Variants in TEAD1 observed in about 807,000 individuals in gnomAD.
TEAD1 encodes the protein transcriptional enhancer factor TEF-1.
TEAD1 carries 9 observed loss-of-function variants against 54.9 expected under a neutral mutation model. The observed-to-expected ratio is 0.16, with a 90% CI of 0.10 to 0.29. The LOEUF (loss-of-function observed/expected upper bound fraction) is 0.29, where lower values mean the gene tolerates loss of function less well. Ranked by LOEUF, TEAD1 falls within the 10% of genes least tolerant of loss-of-function variation. The pLI is 1.00. For synonymous variants in TEAD1, 200 were observed against 187.8 expected (o/e 1.07, Z -0.53); for missense variants, 387 against 535.9 (o/e 0.72, Z 2.74).
Position 12,922,447 on chromosome 11 carries a change from C to T in TEAD1, c.874-2465C>T, listed in dbSNP as rs1459185696. On this transcript the variant is annotated intron_variant, in intron 10 of 12. Transcript: ENST00000527636. ...TCCTGACCTTGTGATCCGCCCGCCT[C>T]GGCCTCCCAAAGTGCGGTTCTCTTT... The T allele has an allele frequency of 1.4e-4, 7 of 49,676 alleles. 2 individuals are homozygous for T. The highest frequency in any genetic ancestry group is 3.8e-4 in the Admixed American group (2 of 5,278). 3.1% of individuals were successfully genotyped at this position (49,676 alleles called of 1,614,324 possible). A position where few individuals can be genotyped will look rare whatever the true frequency, so the allele number is the denominator to read the frequency against.
intron 10 of TEAD1, among the ~76,000 whole-genome samples, chr11:12,908,334 A>G (rs375697725): frequency 2.5e-4 from 38 of 152,244 alleles, no homozygotes; most frequent in South Asian, 4.1e-4. Context: ...GAACTAGTCA[A>G]TCCTTAATTG....
intron 5 of TEAD1, among the ~76,000 whole-genome samples, chr11:12,870,587 C>T (rs1589944279): frequency 1.3e-5 from 2 of 152,136 alleles, no homozygotes; most frequent in Middle Eastern, 6.8e-3. Flanking sequence ...GGGGCATTTT[C>T]AAAATATCTA....
At chr11:12,855,523 C>T (rs374779586) in intron 3 of TEAD1, among the ~76,000 whole-genome samples, 1 of 151,910 alleles carries the variant, frequency 6.6e-6, no homozygotes, top group Non-Finnish European at 1.5e-5. Flanking sequence ...CTCCTGACTG[C>T]GTGATCCACC....
At chr11:12,750,746 C>G (rs550134542) in intron 2 of TEAD1, among the ~76,000 whole-genome samples, 1 of 152,272 alleles carries the variant, frequency 6.6e-6, no homozygotes, top group East Asian at 1.9e-4. Context: ...GCTCTCTCTT[C>G]CCCACATCTC....
At chr11:12,882,857 G>A (rs997857639) in intron 8 of TEAD1, 144 bp from the exon 9 acceptor site, 143 of 1,221,410 alleles carry the variant, frequency 1.2e-4, no homozygotes, top group Non-Finnish European at 1.6e-4. Context: ...AGCATCTGTC[G>A]TCTGAGTTAT....
intron 3 of TEAD1, among the ~76,000 whole-genome samples, chr11:12,817,221 A>G (rs2133997101): frequency 6.6e-6 from 1 of 152,336 alleles, no homozygotes; most frequent in East Asian, 1.9e-4. Flanking sequence ...ATGTTCTTGG[A>G]ATAAAGGCAC....
intron 2 of TEAD1, among the ~76,000 whole-genome samples, chr11:12,704,073 A>G (rs902574705): frequency 1.1e-4 from 17 of 152,294 alleles, no homozygotes; most frequent in African/African-American, 3.6e-4. Flanking sequence ...AGAGATACAT[A>G]TATTTATTTC....
intron 5 of TEAD1, among the ~76,000 whole-genome samples, chr11:12,876,663 G>A (rs1193110962): frequency 6.6e-6 from 1 of 152,200 alleles, no homozygotes; most frequent in African/African-American, 2.4e-5. Flanking sequence ...TGCTGAGGAA[G>A]GCACCTGTGG....
At chr11:12,803,627 C>G (rs539094797) in intron 3 of TEAD1, among the ~76,000 whole-genome samples, 4 of 152,310 alleles carry the variant, frequency 2.6e-5, no homozygotes, top group Non-Finnish European at 2.9e-5. Context: ...CGTGCTGGGA[C>G]GCTTAGGAGC....
chr11:12,869,105 G>T (rs920181728), intron 5 of TEAD1, among the ~76,000 whole-genome samples: 3 of 152,304 alleles, frequency 2.0e-5, no homozygotes, highest in South Asian at 4.1e-4. Flanking sequence ...AGGAGCCTAA[G>T]GGAAGGGCCC....
chr11:12,735,476 C>G (rs1944511702), intron 2 of TEAD1, among the ~76,000 whole-genome samples: 1 of 152,130 alleles, frequency 6.6e-6, no homozygotes, highest in Non-Finnish European at 1.5e-5. Flanking sequence ...TGTATTCCAA[C>G]CAGACCTCTG....
At chr11:12,798,219 C>A (rs1214225967) in intron 3 of TEAD1, among the ~76,000 whole-genome samples, 1 of 152,168 alleles carries the variant, frequency 6.6e-6, no homozygotes, top group Non-Finnish European at 1.5e-5. Context: ...TGTACCCATC[C>A]TCTAGACAGT....
intron 3 of TEAD1, among the ~76,000 whole-genome samples, chr11:12,861,580 C>A (rs1269464648): frequency 6.6e-6 from 1 of 152,200 alleles, no homozygotes; most frequent in Non-Finnish European, 1.5e-5. Context: ...AAACCAAAGA[C>A]TAGAAGAGAA....
At chr11:12,899,106 C>A (rs1219478865) in intron 9 of TEAD1, among the ~76,000 whole-genome samples, 2 of 152,170 alleles carry the variant, frequency 1.3e-5, no homozygotes, top group African/African-American at 4.8e-5. Flanking sequence ...AGTGAGGAGC[C>A]TAAAGGGAGA....
At chr11:12,773,562 C>T (rs555113511) in intron 3 of TEAD1, among the ~76,000 whole-genome samples, 1 of 152,266 alleles carries the variant, frequency 6.6e-6, no homozygotes, top group East Asian at 1.9e-4. Flanking sequence ...TCTGTATATC[C>T]TCTTCAGTGA....
intron 3 of TEAD1, among the ~76,000 whole-genome samples, chr11:12,818,604 C>G (rs777738075): frequency 5.3e-5 from 8 of 152,128 alleles, no homozygotes; most frequent in African/African-American, 9.7e-5. Flanking sequence ...TGTGTGTCTT[C>G]CTTGGATGTC....
chr11:12,718,604 T>C (rs1944115458), intron 2 of TEAD1, among the ~76,000 whole-genome samples: 1 of 152,190 alleles, frequency 6.6e-6, no homozygotes, highest in Non-Finnish European at 1.5e-5. Context: ...GGTGAAATTA[T>C]TGATGTAATT....
At chr11:12,820,198 A>G (rs566497142) in intron 3 of TEAD1, among the ~76,000 whole-genome samples, 1 of 152,160 alleles carries the variant, frequency 6.6e-6, no homozygotes, top group Non-Finnish European at 1.5e-5. Flanking sequence ...TCTGGTTTGA[A>G]TAATGTATAC....
At chr11:12,917,441 G>A (rs1368626753) in intron 10 of TEAD1, among the ~76,000 whole-genome samples, 1 of 152,168 alleles carries the variant, frequency 6.6e-6, no homozygotes, top group African/African-American at 2.4e-5. Context: ...CTTGTTTTAA[G>A]GCACTAAATG....
Sources: gnomAD v4.1 joint callset for allele counts (sites outside exome capture counted in the v4.1 genomes callset) on GRCh38, gnomAD v4.1.1 for gene constraint, MANE v1.5 for transcripts, NCBI Gene and HGNC (gene_info 2026-07-23, HGNC 2026-07-21) for gene names.